Variants in ZNF385B observed in about 807,000 individuals in gnomAD.
The protein encoded by ZNF385B is zinc finger protein 385B.
In ZNF385B, 23 loss-of-function variants were observed where a neutral mutation model predicts 39.2. That is an observed-to-expected ratio of 0.59 (90% confidence interval 0.42 to 0.83). The LOEUF (loss-of-function observed/expected upper bound fraction) is 0.83. Among genes scored for constraint, ZNF385B ranks in the 40% least tolerant of loss-of-function variants. The pLI is 0.00. For missense variants in ZNF385B, 552 were observed against 598.9 expected (o/e 0.92, Z 0.82); for synonymous variants, 205 against 222.6 (o/e 0.92, Z 0.70).
intron 6 of ZNF385B, among the ~76,000 whole-genome samples, chr2:179,471,945 T>C (rs2052817354): frequency 1.3e-5 from 2 of 152,230 alleles, no homozygotes; most frequent in Admixed American, 1.3e-4. Flanking sequence ...GTACTTTAAG[T>C]AATTCCCCTA....
rs1318238751 is a variant in ZNF385B at position 179,700,061 on chromosome 2, AC to A, written c.298+69441del. ...TCAAAACATACACAAACAGAAAAAC[AC>A]ACACACACACACACAAACAAAACAG... is the stretch of plus-strand genomic sequence containing the variant. On this transcript the variant is annotated intron_variant, in intron 3 of 9. Transcript: ENST00000410066. Among the ~76,000 whole-genome samples the A allele has an allele frequency of 1.5e-3, 9 of 6,188 alleles. No individual in the cohort carries two copies. In the East Asian group the frequency reaches 0.019, roughly 13 times the overall value. 4.1% of individuals were successfully genotyped at this position (6,188 alleles called of 152,430 possible). A position where few individuals can be genotyped will look rare whatever the true frequency, so the allele number is the denominator to read the frequency against.
At chr2:179,814,818 G>C (rs1051496710) in intron 1 of ZNF385B, 1 of 161,430 alleles carries the variant, frequency 6.2e-6, no homozygotes, top group African/African-American at 2.4e-5. Context: ...GCCTTAACTA[G>C]CTGAAATAAA....
chr2:179,451,250 T>TA (rs2050118386), intron 6 of ZNF385B, among the ~76,000 whole-genome samples: 3 of 116,262 alleles, frequency 2.6e-5, no homozygotes, highest in African/African-American at 3.8e-5. Context: ...TAAAGTATAA[T>TA]TAAAAAAAAA....
intron 3 of ZNF385B, among the ~76,000 whole-genome samples, chr2:179,764,785 G>T (rs547546899): frequency 6.6e-6 from 1 of 152,160 alleles, no homozygotes; most frequent in African/African-American, 2.4e-5. Flanking sequence ...TGAAGAAAAT[G>T]ATAATGTAAA....
At chr2:179,727,400 A>G (rs1266583450) in intron 3 of ZNF385B, among the ~76,000 whole-genome samples, 1 of 152,066 alleles carries the variant, frequency 6.6e-6, no homozygotes, top group Non-Finnish European at 1.5e-5. Context: ...ATCTTGCAGC[A>G]TGAGCTATCT....
At chr2:179,504,518 C>T (rs1186144827) in intron 5 of ZNF385B, among the ~76,000 whole-genome samples, 1 of 152,038 alleles carries the variant, frequency 6.6e-6, no homozygotes, top group Non-Finnish European at 1.5e-5. Context: ...TCCTATTTCT[C>T]CACATCCTCT....
rs2049400775 is a variant in ZNF385B, at chr2:179,445,687, C to T, written c.1003G>A (p.Gly335Ser). Residue 335 changes from glycine (G) to serine (S), a missense_variant, in exon 8 of 10, where the codon GGT becomes AGT. By Grantham distance (56) the Gly-to-Ser change is moderately conservative. Coordinates refer to ENST00000410066, the MANE Select transcript of ZNF385B (RefSeq NM_152520.6). ...KTMVEARNGA[G>S]PIKSYPRPGS... ...GGTCTAGGATAGGATTTAATTGGAC[C>T]AGCCCCATTACGAGCTTCAACCATG... The T allele has an allele frequency of 6.2e-7, 1 of 1,613,300 alleles. No homozygotes were observed. The highest frequency in any genetic ancestry group is 1.1e-5 in the South Asian group (1 of 90,972).
intron 4 of ZNF385B, among the ~76,000 whole-genome samples, chr2:179,523,934 C>T (rs2105827581): frequency 6.6e-6 from 1 of 152,222 alleles, no homozygotes; most frequent in African/African-American, 2.4e-5. Flanking sequence ...AGGCATGTGC[C>T]ACTGTGCCCA....
Position 179,507,731 on chromosome 2 carries a change from C to CT in ZNF385B, c.552+10796dup, listed in dbSNP as rs746892835. On this transcript the variant is annotated intron_variant, in intron 5 of 9. Coordinates refer to ENST00000410066, the MANE Select transcript of ZNF385B (RefSeq NM_152520.6). ...CCTAACTCCCTGTTCAAGTTCACTG[C>CT]TTTTTTACTCTCCTTAAATAACTCA... Among the ~76,000 whole-genome samples the CT allele has an allele frequency of 1.4e-4, 22 of 152,226 alleles. No individual in the cohort carries two copies. The East Asian group carries it at 4.2e-3, about 29-fold the overall frequency.
chr2:179,543,321 G>A (rs1311097858), intron 4 of ZNF385B, among the ~76,000 whole-genome samples: 6 of 152,052 alleles, frequency 3.9e-5, no homozygotes, highest in Non-Finnish European at 7.4e-5. Flanking sequence ...ATAAAGAGAG[G>A]TGAGCCACAG....
chr2:179,794,417 T>A (rs1257834138), intron 1 of ZNF385B, among the ~76,000 whole-genome samples: 1 of 152,194 alleles, frequency 6.6e-6, no homozygotes, highest in Admixed American at 6.5e-5. Context: ...AACTAGAAAT[T>A]CTATAACCTA....
chr2:179,657,341 G>A (rs760950004), intron 3 of ZNF385B, among the ~76,000 whole-genome samples: 2 of 152,114 alleles, frequency 1.3e-5, no homozygotes, highest in East Asian at 1.9e-4. Context: ...GCCTGTTTGC[G>A]TGTTCCCAAC....
chr2:179,457,012 T>C (rs552164593), intron 6 of ZNF385B, among the ~76,000 whole-genome samples: 1 of 152,082 alleles, frequency 6.6e-6, no homozygotes, highest in Non-Finnish European at 1.5e-5. Flanking sequence ...ATATAGAGTG[T>C]TTTCACCACC....
At chr2:179,854,660 T>C (rs902145700) in intron 1 of ZNF385B, among the ~76,000 whole-genome samples, 2 of 152,166 alleles carry the variant, frequency 1.3e-5, no homozygotes, top group Admixed American at 6.5e-5. Flanking sequence ...CTTTAACTAA[T>C]GCAAATCAAA....
chr2:179,765,497 G>T (rs1435571277), intron 3 of ZNF385B, among the ~76,000 whole-genome samples: 6 of 152,150 alleles, frequency 3.9e-5, no homozygotes, highest in Non-Finnish European at 8.8e-5. Flanking sequence ...ATCTGCTGAG[G>T]CATGTTTATT....
At chr2:179,639,579 T>C (rs867356709) in intron 3 of ZNF385B, among the ~76,000 whole-genome samples, 1 of 151,886 alleles carries the variant, frequency 6.6e-6, no homozygotes, top group Non-Finnish European at 1.5e-5. Flanking sequence ...AAAAAAGTAA[T>C]AGTAAAAAAG....
At chr2:179,630,626 C>T (rs1367000417) in intron 3 of ZNF385B, among the ~76,000 whole-genome samples, 5 of 152,196 alleles carry the variant, frequency 3.3e-5, no homozygotes, top group South Asian at 2.1e-4. Context: ...TCCAAAGGAT[C>T]GCAGCTCCTC....
At chr2:179,804,705 C>T (rs1706241408) in intron 1 of ZNF385B, among the ~76,000 whole-genome samples, 2 of 152,206 alleles carry the variant, frequency 1.3e-5, no homozygotes, top group Admixed American at 6.5e-5. Flanking sequence ...GCTGGGCACA[C>T]AGTGAGCACT....
intron 3 of ZNF385B, among the ~76,000 whole-genome samples, chr2:179,660,676 T>C (rs1435911133): frequency 6.6e-6 from 1 of 152,208 alleles, no homozygotes; most frequent in Non-Finnish European, 1.5e-5. Context: ...GGATTGTTTG[T>C]TTGACTCCAA....
Sources: allele counts gnomAD v4.1 joint callset (sites outside exome capture counted in the v4.1 genomes callset), GRCh38; gene constraint gnomAD v4.1.1; transcripts MANE v1.5; gene names NCBI Gene and HGNC (gene_info 2026-07-23, HGNC 2026-07-21).